ARID1B: variants seen among roughly 807,000 people sequenced by gnomAD.
The protein encoded by ARID1B is AT-rich interactive domain-containing protein 1B.
A neutral mutation model predicts 212.3 loss-of-function variants in ARID1B; 30 were observed. That is an observed-to-expected ratio of 0.14 (90% CI 0.11 to 0.19). ARID1B has a LOEUF of 0.19. Among genes scored for constraint, ARID1B ranks in the 10% least tolerant of loss-of-function variants. The probability of loss-of-function intolerance (pLI) is 1.00; values close to 1 mark genes in which losing one functional copy is unlikely to be tolerated. For synonymous variants in ARID1B, 1,402 were observed against 1,301.7 expected, an observed-to-expected ratio of 1.08 and a Z score of -1.66; for missense variants, 2,891 against 3,204.0, an observed-to-expected ratio of 0.90 and a Z score of 2.36.
At chr6:156,968,820 A>G (rs1776713675) in intron 4 of ARID1B, among the ~76,000 whole-genome samples, 1 of 152,240 alleles carries the variant, frequency 6.6e-6, no homozygotes, top group African/African-American at 2.4e-5. Context: ...CAGGATCACC[A>G]GAGATCATGT....
intron 4 of ARID1B, among the ~76,000 whole-genome samples, chr6:157,029,375 T>C (rs932639993): frequency 2.0e-5 from 3 of 152,258 alleles, no homozygotes; most frequent in African/African-American, 7.2e-5. Context: ...TTTATATTTT[T>C]ATTGTTTTGT....
At chr6:157,014,544 G>T (rs541734339) in intron 4 of ARID1B, among the ~76,000 whole-genome samples, 1 of 152,138 alleles carries the variant, frequency 6.6e-6, no homozygotes, top group African/African-American at 2.4e-5. Flanking sequence ...TACTTTAATA[G>T]GTTAAAACTT....
intron 9 of ARID1B, chr6:157,167,472 T>G: frequency 4.1e-6 from 1 of 243,754 alleles, no homozygotes; most frequent in Non-Finnish European, 7.8e-6. Context: ...TCTCTTTCTC[T>G]TTGGGAATTA....
intron 2 of ARID1B, among the ~76,000 whole-genome samples, chr6:156,880,739 CAAAAAAAAAAA>C (rs141153792): frequency 2.3e-5 from 2 of 86,972 alleles, no homozygotes; most frequent in African/African-American, 8.9e-5. Context: ...GACTCTGTCT[CAAAAAAAAAAA>C]AAAAAAAAAA....
intron 2 of ARID1B, among the ~76,000 whole-genome samples, chr6:156,857,098 C>G (rs529516372): frequency 6.6e-6 from 1 of 152,320 alleles, no homozygotes; most frequent in South Asian, 2.1e-4. Context: ...TGTCTGTTTA[C>G]TGGGTGCTTT....
intron 2 of ARID1B, among the ~76,000 whole-genome samples, chr6:156,897,215 GCTGCTTCTTCTTCTTCTTCTTCTT>G (rs1479171649): frequency 0.012 from 924 of 76,200 alleles, 14 homozygotes; most frequent in African/African-American, 0.033. Context: ...TGCTGCTGCT[GCTGCTTCTTCTTCTTCTTCTTCTT>G]CTTCTTCTTC....
At chr6:157,006,797 G>T (rs1289925395) in intron 4 of ARID1B, among the ~76,000 whole-genome samples, 3 of 152,120 alleles carry the variant, frequency 2.0e-5, no homozygotes, top group Admixed American at 2.0e-4. Context: ...TTTTATTTCA[G>T]AATGGAAAAA....
In ARID1B at chr6:157,022,697, A is replaced by G. The variant is rs139833621; in HGVS notation, c.2248-61965A>G. The G allele has an allele frequency of 3.7e-4, 56 of 152,350 alleles. 1 individual carries two copies. In the East Asian group the frequency reaches 6.2e-3, roughly 17 times the overall value. 9.4% of individuals were successfully genotyped at this position (152,350 alleles called of 1,614,324 possible). A position where few individuals can be genotyped will look rare whatever the true frequency, so the allele number is the denominator to read the frequency against. ...ACTTTTTGTTCACTCTGTGAACTAT[A>G]TAATTTGACCATAAATTCTAATTTG... On this transcript the variant is annotated intron_variant, in intron 4 of 19. Transcript: ENST00000636930.
At chr6:156,843,858 G>A (rs1008759758) in intron 2 of ARID1B, among the ~76,000 whole-genome samples, 2 of 152,106 alleles carry the variant, frequency 1.3e-5, no homozygotes, top group East Asian at 1.9e-4. Context: ...GAGCAGACAC[G>A]TACCAGGTAC....
At chr6:157,159,443 T>G (rs1417288546) in intron 8 of ARID1B, among the ~76,000 whole-genome samples, 1 of 152,212 alleles carries the variant, frequency 6.6e-6, no homozygotes. Flanking sequence ...TGAGCTGCTT[T>G]AGGAACAACT....
At chr6:156,925,719 C>G (rs1791161129) in intron 3 of ARID1B, among the ~76,000 whole-genome samples, 1 of 152,038 alleles carries the variant, frequency 6.6e-6, no homozygotes, top group Non-Finnish European at 1.5e-5. Context: ...TGATTTTTAT[C>G]TAAACTAAAA....
chr6:157,018,343 A>G (rs940617641), intron 4 of ARID1B, among the ~76,000 whole-genome samples: 1 of 149,238 alleles, frequency 6.7e-6, no homozygotes, highest in African/African-American at 2.5e-5. Context: ...CAGCCTCCCA[A>G]CAGCTGGGAC....
At chr6:157,173,963 G>C in intron 9 of ARID1B, 45 bp from the exon 10 acceptor site, 1 of 1,534,684 alleles carries the variant, frequency 6.5e-7, no homozygotes, top group Non-Finnish European at 9.0e-7. Flanking sequence ...ACAGTCTGAC[G>C]AATCACACAT....
chr6:156,820,218 A>G (rs1313083151), intron 1 of ARID1B, among the ~76,000 whole-genome samples: 1 of 152,106 alleles, frequency 6.6e-6, no homozygotes, highest in East Asian at 1.9e-4. Context: ...AACTTGTGCA[A>G]AGTGAAGCTT....
At chr6:156,814,814 TACTCAA>T (rs1046897556) in intron 1 of ARID1B, among the ~76,000 whole-genome samples, 17 of 152,318 alleles carry the variant, frequency 1.1e-4, no homozygotes, top group Admixed American at 7.8e-4. Flanking sequence ...GGGAGGATAA[TACTCAA>T]TAACTATTAA....
chr6:157,204,634 C>T (rs1038462250), intron 19 of ARID1B: 1 of 152,202 alleles, frequency 6.6e-6, no homozygotes, highest in Admixed American at 6.5e-5. Flanking sequence ...TAAAAGCCTA[C>T]TACTTTTAAT....
At chr6:156,946,059 T>C (rs1248048873) in intron 4 of ARID1B, among the ~76,000 whole-genome samples, 1 of 151,726 alleles carries the variant, frequency 6.6e-6, no homozygotes, top group African/African-American at 2.4e-5. Flanking sequence ...AAACTGCTAG[T>C]AAAAGAAGAA....
intron 8 of ARID1B, chr6:157,166,749 T>C (rs1249983250): frequency 4.0e-6 from 1 of 249,638 alleles, no homozygotes; most frequent in Non-Finnish European, 7.5e-6. Context: ...AAGTTCCCCC[T>C]TTCTTGCTTA....
Position 157,174,961 on chromosome 6 carries a change from G to C in ARID1B, c.3460G>C (p.Asp1154His). 6.5e-7 allele frequency: 1 copy of C among 1,530,056 alleles called. No homozygotes were observed. Among genetic ancestry groups the C allele is most frequent in the Non-Finnish European group, 8.8e-7 (1 of 1,136,418 alleles). 94.8% of individuals were successfully genotyped at this position (1,530,056 alleles called of 1,614,324 possible). ...SISSFHGDES[D>H]SISSPGWPKT... ...CTCCTCATTTCATGGAGATGAAAGT[G>C]ATAGCATTAGCAGCCCAGGCTGGCC... The change falls in exon 11 of 20, where the codon GAT (aspartate) becomes CAT (histidine). Residue 1154 changes from aspartate to histidine, a missense_variant. This residue lies in a region of ARID1B where 666 missense variants were observed against 873.5 expected (regional missense o/e 0.76). Coordinates refer to ENST00000636930, the MANE Select transcript of ARID1B (RefSeq NM_001374828.1).
Sources: allele counts gnomAD v4.1 joint callset (sites outside exome capture counted in the v4.1 genomes callset), GRCh38; gene constraint gnomAD v4.1.1; regional missense constraint gnomAD v4.1.1; transcripts MANE v1.5; gene names NCBI Gene and HGNC (gene_info 2026-07-23, HGNC 2026-07-21).